NRXN1: variants seen among roughly 807,000 people sequenced by gnomAD.
The protein encoded by NRXN1 is neurexin-1.
A neutral mutation model predicts 150.9 loss-of-function variants in NRXN1; 39 were observed. The observed-to-expected ratio is 0.26, with a 90% confidence interval of 0.20 to 0.34. The LOEUF (loss-of-function observed/expected upper bound fraction) is 0.34. NRXN1 is among the 10% of genes least tolerant of loss of function. The pLI is 1.00. For synonymous variants in NRXN1, 924 were observed against 757.0 expected, an observed-to-expected ratio of 1.22 and a Z score of -3.62; for missense variants, 1,815 against 1,949.9, an observed-to-expected ratio of 0.93 and a Z score of 1.30.
At chr2:50,871,125 T>C (rs542642280) in intron 5 of NRXN1, among the ~76,000 whole-genome samples, 8 of 152,044 alleles carry the variant, frequency 5.3e-5, no homozygotes, top group African/African-American at 1.9e-4. Flanking sequence ...ATCTAGCATT[T>C]TGAATTGTTC....
At chr2:50,223,176 C>T (rs1006022852) in intron 18 of NRXN1, among the ~76,000 whole-genome samples, 3 of 151,136 alleles carry the variant, frequency 2.0e-5, no homozygotes, top group African/African-American at 7.3e-5. Flanking sequence ...TAGAAGAATA[C>T]CAAAAAATTA....
At chr2:50,401,819 C>G (rs552212654) in intron 17 of NRXN1, among the ~76,000 whole-genome samples, 1 of 152,206 alleles carries the variant, frequency 6.6e-6, no homozygotes, top group African/African-American at 2.4e-5. Flanking sequence ...ATTTTCCTAA[C>G]AGCTCTTTCT....
Position 49,989,601 on chromosome 2 carries a change from T to C in NRXN1, c.4129-45810A>G, listed in dbSNP as rs569660691. ...TTAGTAAGATACTAAGTAAGGGCAT[T>C]AGTAAAGGCATATTAAAAAGAATTC... On this transcript the variant is annotated intron_variant, in intron 21 of 22. Coordinates refer to ENST00000401669, the MANE Select transcript of NRXN1 (RefSeq NM_001330078.2). 3.9e-5 allele frequency among the ~76,000 whole-genome samples: 6 copies of C among 152,282 alleles called. No homozygotes were observed. The South Asian group carries it at 6.2e-4, about 16-fold the overall frequency.
At chr2:51,027,470 C>T in intron 2 of NRXN1, 32 bp downstream of exon 2, 1 of 1,487,932 alleles carries the variant, frequency 6.7e-7, no homozygotes, top group Non-Finnish European at 8.9e-7. Flanking sequence ...CGCCCAGGCC[C>T]CGGCCCCCGT....
At chr2:50,389,999 T>C (rs1175973325) in intron 17 of NRXN1, among the ~76,000 whole-genome samples, 1 of 152,200 alleles carries the variant, frequency 6.6e-6, no homozygotes, top group African/African-American at 2.4e-5. Flanking sequence ...TTATACCAAG[T>C]TAGGCAATGA....
rs1263909079 is a variant in NRXN1 at position 50,811,453 on chromosome 2, G to A, written c.832+110416C>T. Among the ~76,000 whole-genome samples, 3 of 152,240 alleles carry A rather than the reference G, an allele frequency of 2.0e-5. 1 individual carries two copies. The East Asian group carries it at 5.8e-4, about 29-fold the overall frequency. ...AAGATACACACTTCTCTTTACCACT[G>A]AAAATGTTCACCTCACATTTTTATC... is the stretch of plus-strand genomic sequence containing the variant. On this transcript the variant is annotated intron_variant, in intron 5 of 22. Coordinates refer to ENST00000401669, the MANE Select transcript of NRXN1 (RefSeq NM_001330078.2).
chr2:50,480,723 G>C (rs1011634746), intron 15 of NRXN1, among the ~76,000 whole-genome samples: 3 of 152,142 alleles, frequency 2.0e-5, no homozygotes, highest in African/African-American at 7.2e-5. Flanking sequence ...CTCCTTGTCA[G>C]CCACAGGTGT....
At chr2:50,420,673 T>TA (rs750049528) in intron 17 of NRXN1, among the ~76,000 whole-genome samples, 1 of 152,072 alleles carries the variant, frequency 6.6e-6, no homozygotes, top group Non-Finnish European at 1.5e-5. Flanking sequence ...CATTGTGTGA[T>TA]AAAGTACAGC....
rs71401054 is a variant in NRXN1 at position 49,961,320 on chromosome 2, G to GCACACA, written c.4129-17535_4129-17530dup. ...TCTTCCAAAATGCCTGCGCACGCAT[G>GCACACA]CACACACACACACACACACACACAC... is the stretch of plus-strand genomic sequence containing the variant. On this transcript the variant is annotated intron_variant, in intron 21 of 22. Coordinates refer to ENST00000401669, the MANE Select transcript of NRXN1 (RefSeq NM_001330078.2). Among the ~76,000 whole-genome samples the GCACACA allele has an allele frequency of 3.4e-3, 492 of 145,854 alleles. 3 individuals carry two copies. Among genetic ancestry groups the GCACACA allele is most frequent in the Non-Finnish European group, 5.5e-3 (364 of 65,794 alleles).
intron 5 of NRXN1, chr2:50,829,707 C>G (rs1671121410): frequency 2.5e-6 from 4 of 1,600,630 alleles, no homozygotes; most frequent in Non-Finnish European, 3.4e-6. Context: ...CGCCCGCACA[C>G]CCAGAGCTCG....
chr2:50,366,805 G>A (rs2079613521), intron 17 of NRXN1, among the ~76,000 whole-genome samples: 1 of 151,958 alleles, frequency 6.6e-6, no homozygotes. Context: ...GGATGGAGAA[G>A]AAAGAAGACA....
At chr2:50,739,093 T>G (rs1215562697) in intron 5 of NRXN1, among the ~76,000 whole-genome samples, 1 of 152,184 alleles carries the variant, frequency 6.6e-6, no homozygotes, top group African/African-American at 2.4e-5. Context: ...CTCCACATTT[T>G]TGAGTCCTAA....
intron 5 of NRXN1, among the ~76,000 whole-genome samples, chr2:50,719,132 C>A (rs1289261496): frequency 6.6e-6 from 1 of 151,594 alleles, no homozygotes; most frequent in African/African-American, 2.4e-5. Context: ...AGATTAGAGA[C>A]TTGTAATCTT....
chr2:50,013,393 A>G (rs1686035518), intron 21 of NRXN1, among the ~76,000 whole-genome samples: 1 of 151,856 alleles, frequency 6.6e-6, no homozygotes, highest in Non-Finnish European at 1.5e-5. Flanking sequence ...AAGTTAAAGA[A>G]TCTCTTTAGG....
intron 13 of NRXN1, among the ~76,000 whole-genome samples, chr2:50,504,317 C>G (rs974860016): frequency 2.0e-5 from 3 of 151,942 alleles, no homozygotes; most frequent in African/African-American, 7.2e-5. Context: ...GCTTTTATTT[C>G]TTAGGCAAGG....
chr2:50,778,354 A>G (rs1025302484), intron 5 of NRXN1, among the ~76,000 whole-genome samples: 3 of 152,240 alleles, frequency 2.0e-5, no homozygotes, highest in Admixed American at 1.3e-4. Context: ...ACATTCAAAT[A>G]TAACATAGTA....
chr2:50,720,855 C>T (rs1406065845), intron 5 of NRXN1, among the ~76,000 whole-genome samples: 1 of 152,148 alleles, frequency 6.6e-6, no homozygotes, highest in African/African-American at 2.4e-5. Flanking sequence ...CACCCCATCA[C>T]TGAAACCTGA....
chr2:50,826,129 T>C (rs1211171795), intron 5 of NRXN1, among the ~76,000 whole-genome samples: 2 of 152,020 alleles, frequency 1.3e-5, no homozygotes, highest in Admixed American at 6.6e-5. Flanking sequence ...GAAGATGTGG[T>C]TGAGAGGGAC....
At chr2:50,815,286 G>A (rs1009603059) in intron 5 of NRXN1, among the ~76,000 whole-genome samples, 17 of 152,110 alleles carry the variant, frequency 1.1e-4, no homozygotes, top group Middle Eastern at 3.2e-3. Context: ...GACAAGGGAC[G>A]CAGTGGTAAT....
Sources: allele counts gnomAD v4.1 joint callset (sites outside exome capture counted in the v4.1 genomes callset), GRCh38; gene constraint gnomAD v4.1.1; transcripts MANE v1.5; gene names NCBI Gene and HGNC (gene_info 2026-07-23, HGNC 2026-07-21).